NR5A2: variants seen among roughly 807,000 people sequenced by gnomAD.
The protein encoded by NR5A2 is nuclear receptor subfamily 5 group A member 2.
A neutral mutation model predicts 62.7 loss-of-function variants in NR5A2; 26 were observed. The ratio of observed to expected loss-of-function variants is 0.41; its 90% confidence interval spans 0.30 to 0.58. The LOEUF is 0.58. Among genes scored for constraint, NR5A2 ranks in the 20% least tolerant of loss-of-function variants. The pLI is 0.22. For missense variants in NR5A2, 541 were observed against 669.1 expected, an observed-to-expected ratio of 0.81 and a Z score of 2.11; for synonymous variants, 246 against 241.7, an observed-to-expected ratio of 1.02 and a Z score of -0.16.
intron 5 of NR5A2, among the ~76,000 whole-genome samples, chr1:200,075,758 A>T (rs2816922): frequency 6.6e-6 from 1 of 151,896 alleles, no homozygotes; most frequent in Non-Finnish European, 1.5e-5. Flanking sequence ...TCCTTTTAAC[A>T]CTGTGGGCTG....
intron 7 of NR5A2, among the ~76,000 whole-genome samples, chr1:200,129,453 G>A (rs1666867838): frequency 6.6e-6 from 1 of 152,208 alleles, no homozygotes; most frequent in African/African-American, 2.4e-5. Flanking sequence ...ACTTCAATCA[G>A]AACGTCTTTC....
chr1:200,121,383 G>A (rs765267173), intron 7 of NR5A2, among the ~76,000 whole-genome samples: 18 of 152,074 alleles, frequency 1.2e-4, no homozygotes, highest in East Asian at 3.9e-4. Context: ...AATATGAATC[G>A]TAATTAAAAA....
intron 5 of NR5A2, among the ~76,000 whole-genome samples, chr1:200,081,467 C>T (rs1054862504): frequency 1.3e-5 from 2 of 152,132 alleles, no homozygotes; most frequent in South Asian, 2.1e-4. Context: ...AAGCTCATTC[C>T]GAATTAGTAA....
At chr1:200,086,036 G>GT (rs1664511192) in intron 5 of NR5A2, among the ~76,000 whole-genome samples, 1 of 152,148 alleles carries the variant, frequency 6.6e-6, no homozygotes, top group Admixed American at 6.6e-5. Flanking sequence ...CTAGAATAGA[G>GT]GGTGGTGAGA....
chr1:200,048,644 G>A lies in NR5A2; in HGVS notation c.936G>A (p.Glu312=). 3 of 1,614,222 alleles carry A rather than the reference G, an allele frequency of 1.9e-6. No homozygotes were observed. Among genetic ancestry groups the A allele is most frequent in the South Asian group, 1.1e-5 (1 of 91,088 alleles). ...TGATACTGGAACTTTTGAAGTGTGA[G>A]CCAGATGAGCCTCAAGTCCAGGCTA... ...PHLILELLKC[E]PDEPQVQAKI... The change falls in exon 5 of 8, where the codon GAG becomes GAA. Residue 312 remains glutamate (E), a synonymous_variant. Coordinates refer to ENST00000367362, the MANE Select transcript of NR5A2 (RefSeq NM_205860.3). The surrounding 1 kb of genome is among the most constrained non-coding windows in gnomAD (Gnocchi z 4.8).
At chr1:200,087,605 T>A (rs1392144290) in intron 5 of NR5A2, among the ~76,000 whole-genome samples, 2 of 151,636 alleles carry the variant, frequency 1.3e-5, no homozygotes, top group African/African-American at 4.8e-5. Flanking sequence ...CCGTGTTAGC[T>A]AGGATGGTCG....
chr1:200,035,705 A>C (rs1272236263), intron 1 of NR5A2, among the ~76,000 whole-genome samples: 2 of 152,042 alleles, frequency 1.3e-5, no homozygotes, highest in Admixed American at 6.5e-5. Context: ...AGGCTGCGGG[A>C]GCCTCCCCGA....
intron 5 of NR5A2, among the ~76,000 whole-genome samples, chr1:200,073,268 T>TTA (rs371537456): frequency 0.017 from 1,900 of 111,160 alleles, 86 homozygotes; most frequent in Non-Finnish European, 0.02. Flanking sequence ...ATATTCCCCT[T>TTA]TATATATATA....
At chr1:200,056,850 T>A (rs368440270) in intron 5 of NR5A2, among the ~76,000 whole-genome samples, 2 of 152,166 alleles carry the variant, frequency 1.3e-5, no homozygotes, top group African/African-American at 4.8e-5. Flanking sequence ...AAGAAATCCA[T>A]GTTTAACTAG....
Position 200,145,512 on chromosome 1 carries a change from G to C in NR5A2, c.1378+24557G>C, listed in dbSNP as rs1012663703. On this transcript the variant is annotated intron_variant, in intron 7 of 7. Transcript: ENST00000367362. ...TGTGTGTGTGTGTGTGTGTGTGTGT[G>C]TGTTATAAAGGTGACTCAACATTTA... 1.6e-3 allele frequency among the ~76,000 whole-genome samples: 204 copies of C among 131,360 alleles called. 1 individual carries two copies. Among genetic ancestry groups the C allele is most frequent in the African/African-American group, 5.6e-3 (195 of 34,820 alleles). The allele number at this position is 131,360 out of a possible 152,430, so 86.2% of individuals were successfully genotyped here. A position where few individuals can be genotyped will look rare whatever the true frequency, so the allele number is the denominator to read the frequency against.
At position 200,039,850 on chromosome 1, in the gene NR5A2, C is replaced by A. The variant is rs931595515; in HGVS notation, c.202+55C>A. Reference sequence around the variant, plus strand: ...CCCGCTGCTTCCCCACCCCCGGGCTCGCCCTGCAGGCTTCAGCCTCCCGCC... The same window carrying A: ...CCCGCTGCTTCCCCACCCCCGGGCTAGCCCTGCAGGCTTCAGCCTCCCGCC... On this transcript the variant is annotated intron_variant, in intron 2 of 7. Coordinates refer to ENST00000367362, the MANE Select transcript of NR5A2 (RefSeq NM_205860.3). This position sits in a 1 kb window ranked among gnomAD's most constrained non-coding sequence, Gnocchi z 5.1. 6.5e-7 allele frequency: 1 copy of A among 1,547,224 alleles called. No homozygotes were observed. Among genetic ancestry groups the A allele is most frequent in the African/African-American group, 1.4e-5 (1 of 70,364 alleles).
At position 200,147,619 on chromosome 1, in the gene NR5A2, C is replaced by T; in HGVS notation, c.1379-26344C>T. 2 of 715,370 alleles carry T rather than the reference C, an allele frequency of 2.8e-6. No individual in the cohort carries two copies. The highest frequency in any genetic ancestry group is 5.2e-6 in the Non-Finnish European group (2 of 382,284). The allele number at this position is 715,370 out of a possible 1,614,324, so 44.3% of individuals were successfully genotyped here. A position where few individuals can be genotyped will look rare whatever the true frequency, so the allele number is the denominator to read the frequency against. On this transcript the variant is annotated intron_variant, in intron 7 of 7. Coordinates refer to ENST00000367362, the MANE Select transcript of NR5A2 (RefSeq NM_205860.3). This position sits in a 1 kb window ranked among gnomAD's most constrained non-coding sequence, Gnocchi z 4.9. ...GCAGAGCACATTTTCGCACAGGCAG[C>T]GCCGCAGCTTGCCCTGGATCTTGTC... is the stretch of plus-strand genomic sequence containing the variant.
At chr1:200,035,974 C>G (rs1298249779) in intron 1 of NR5A2, among the ~76,000 whole-genome samples, 1 of 152,158 alleles carries the variant, frequency 6.6e-6, no homozygotes, top group Non-Finnish European at 1.5e-5. Context: ...TCTCCGCCAC[C>G]AGTTACAATT....
intron 7 of NR5A2, among the ~76,000 whole-genome samples, chr1:200,126,985 G>A (rs956210727): frequency 2.0e-5 from 3 of 152,162 alleles, no homozygotes; most frequent in African/African-American, 7.2e-5. Flanking sequence ...AAGTGGTGGT[G>A]ATGCTTTTCT....
intron 7 of NR5A2, among the ~76,000 whole-genome samples, chr1:200,163,865 A>G (rs1653770790): frequency 6.6e-6 from 1 of 152,170 alleles, no homozygotes; most frequent in Non-Finnish European, 1.5e-5. Context: ...ATTTAGGGAT[A>G]TAAGAAAACA....
intron 5 of NR5A2, among the ~76,000 whole-genome samples, chr1:200,054,851 G>C (rs1662835447): frequency 6.6e-6 from 1 of 151,308 alleles, no homozygotes; most frequent in South Asian, 2.1e-4. Context: ...AGACTTTATT[G>C]AATCTGCCCC....
intron 2 of NR5A2, among the ~76,000 whole-genome samples, chr1:200,041,775 C>T (rs1220491607): frequency 2.0e-5 from 3 of 152,194 alleles, no homozygotes; most frequent in Non-Finnish European, 4.4e-5. Flanking sequence ...CCTACTCAGC[C>T]TCTGTCTTTG....
chr1:200,132,128 G>T (rs1338731231), intron 7 of NR5A2, among the ~76,000 whole-genome samples: 1 of 152,156 alleles, frequency 6.6e-6, no homozygotes, highest in African/African-American at 2.4e-5. Flanking sequence ...TCCTGCCTCA[G>T]CCGCCTGAGT....
At chr1:200,079,962 C>A (rs978957107) in intron 5 of NR5A2, among the ~76,000 whole-genome samples, 3 of 152,006 alleles carry the variant, frequency 2.0e-5, no homozygotes, top group Non-Finnish European at 4.4e-5. Flanking sequence ...ATTTGGGTTT[C>A]AAAAAGTTGC....
Sources: allele counts gnomAD v4.1 joint callset (sites outside exome capture counted in the v4.1 genomes callset), GRCh38; gene constraint gnomAD v4.1.1; non-coding constraint Gnocchi (gnomAD v3.1); transcripts MANE v1.5; gene names NCBI Gene and HGNC (gene_info 2026-07-23, HGNC 2026-07-21).